The following B4GALNT3 variants were observed in gnomAD, a reference collection of about 807,000 sequenced individuals.
The protein encoded by B4GALNT3 is beta-1,4-N-acetylgalactosaminyltransferase 3.
Under a neutral mutation model 120.2 loss-of-function variants are expected in B4GALNT3, and 86 were observed. The ratio of observed to expected loss-of-function variants is 0.72; its 90% CI spans 0.60 to 0.86. The LOEUF (loss-of-function observed/expected upper bound fraction) is 0.86, where lower values mean the gene tolerates loss of function less well. Ranked by LOEUF, B4GALNT3 falls within the 40% of genes least tolerant of loss-of-function variation. B4GALNT3 has a pLI of 0.00. For synonymous variants in B4GALNT3, 518 were observed against 510.4 expected, an observed-to-expected ratio of 1.01 and a Z score of -0.20; for missense variants, 1,167 against 1,298.9, an observed-to-expected ratio of 0.90 and a Z score of 1.56.
At chr12:470,630 C>T (rs569611301) in intron 1 of B4GALNT3, among the ~76,000 whole-genome samples, 8 of 152,264 alleles carry the variant, frequency 5.3e-5, no homozygotes, top group Admixed American at 2.0e-4. Context: ...GAATGACTTC[C>T]GATAGCAGAA....
At chr12:474,066 CAG>C (rs3043264) in intron 1 of B4GALNT3, among the ~76,000 whole-genome samples, 1,839 of 152,250 alleles carry the variant, frequency 0.012, 55 homozygotes, top group South Asian at 0.096. Context: ...AAATGTAGAA[CAG>C]AGTCATTGCT....
intron 1 of B4GALNT3, among the ~76,000 whole-genome samples, chr12:475,629 G>C (rs1946177503): frequency 6.6e-6 from 1 of 151,970 alleles, no homozygotes; most frequent in South Asian, 2.1e-4. Flanking sequence ...TCAAAACTCT[G>C]CTTATCCTTC....
chr12:508,721 G>A (rs1273821375), intron 1 of B4GALNT3, among the ~76,000 whole-genome samples: 1 of 152,118 alleles, frequency 6.6e-6, no homozygotes, highest in African/African-American at 2.4e-5. Context: ...CAGAGCTCCA[G>A]GCTGTTCTTG....
intron 1 of B4GALNT3, among the ~76,000 whole-genome samples, chr12:472,317 G>A (rs1172739188): frequency 6.6e-6 from 1 of 152,214 alleles, no homozygotes; most frequent in African/African-American, 2.4e-5. Context: ...GTCTCAGTCT[G>A]TTGCCCAGCC....
intron 1 of B4GALNT3, among the ~76,000 whole-genome samples, chr12:529,153 G>A (rs568244665): frequency 6.6e-6 from 1 of 152,196 alleles, no homozygotes; most frequent in South Asian, 2.1e-4. Context: ...CCTTTCTAAT[G>A]GAGCCCTGCC....
chr12:513,952 C>T (rs909260262), intron 1 of B4GALNT3, among the ~76,000 whole-genome samples: 1 of 152,182 alleles, frequency 6.6e-6, no homozygotes, highest in Non-Finnish European at 1.5e-5. Context: ...CTTCTCCATT[C>T]ATAGTTGATG....
intron 3 of B4GALNT3, among the ~76,000 whole-genome samples, chr12:541,003 A>T (rs1229230205): frequency 6.6e-6 from 1 of 152,196 alleles, no homozygotes; most frequent in Non-Finnish European, 1.5e-5. Flanking sequence ...TCAGCCTCCC[A>T]AAGTGCTGGG....
intron 1 of B4GALNT3, among the ~76,000 whole-genome samples, chr12:511,426 C>G (rs1351023889): frequency 2.5e-4 from 25 of 98,374 alleles, no homozygotes; most frequent in African/African-American, 5.9e-4. Context: ...TTCCACCTTC[C>G]ACCTTCTTCC....
intron 1 of B4GALNT3, among the ~76,000 whole-genome samples, chr12:512,394 CCACCTTTG>C: frequency 7.7e-6 from 1 of 129,612 alleles, no homozygotes. Flanking sequence ...CCACCTTCTT[CCACCTTTG>C]ACCTTCCACC....
At chr12:486,211 T>G (rs1946289620) in intron 1 of B4GALNT3, among the ~76,000 whole-genome samples, 1 of 146,526 alleles carries the variant, frequency 6.8e-6, no homozygotes, top group African/African-American at 2.5e-5. Flanking sequence ...TATTCTTTTT[T>G]TTTTTTTTTT....
intron 3 of B4GALNT3, among the ~76,000 whole-genome samples, chr12:542,140 A>G (rs967687494): frequency 9.2e-5 from 14 of 152,104 alleles, no homozygotes; most frequent in Admixed American, 7.2e-4. Context: ...TGTTTCTGTG[A>G]GTAACGGCTG....
chr12:545,600 C>T, intron 6 of B4GALNT3, 131 bp downstream of exon 6: 1 of 883,940 alleles, frequency 1.1e-6, no homozygotes, highest in Non-Finnish European at 1.7e-6. Context: ...AAGAAGTCTC[C>T]TCCCTCACCC....
chr12:530,491 G>A (rs1035334316), intron 1 of B4GALNT3, among the ~76,000 whole-genome samples: 13 of 152,208 alleles, frequency 8.5e-5, no homozygotes, highest in East Asian at 3.8e-4. Context: ...CACACCAGGC[G>A]TCAGGAGAAA....
At chr12:543,449 C>T (rs1353760080) in intron 3 of B4GALNT3, among the ~76,000 whole-genome samples, 32 of 108,670 alleles carry the variant, frequency 2.9e-4, no homozygotes, top group Middle Eastern at 6.3e-3. Context: ...GGAGCTGGGG[C>T]GGGCATGGGG....
intron 7 of B4GALNT3, 62 bp from the exon 8 acceptor site, chr12:547,962 A>C: frequency 7.0e-7 from 1 of 1,431,224 alleles, no homozygotes; most frequent in Non-Finnish European, 9.8e-7. Context: ...GGGGTGGGAC[A>C]GAGCCGCGAC....
intron 3 of B4GALNT3, among the ~76,000 whole-genome samples, chr12:539,542 AAAAAAAAAAG>A (rs1946894631): frequency 6.6e-6 from 1 of 151,922 alleles, no homozygotes; most frequent in Admixed American, 6.6e-5. Flanking sequence ...TTTAAAAAAA[AAAAAAAAAAG>A]AAAGAAACAG....
intron 7 of B4GALNT3, among the ~76,000 whole-genome samples, chr12:547,058 C>T (rs1307163050): frequency 3.3e-5 from 5 of 152,224 alleles, no homozygotes; most frequent in Non-Finnish European, 7.3e-5. Context: ...CCTCGGTCGT[C>T]TGGGGACACG....
At chr12:532,686 C>A (rs1946819577) in intron 1 of B4GALNT3, among the ~76,000 whole-genome samples, 1 of 152,102 alleles carries the variant, frequency 6.6e-6, no homozygotes, top group South Asian at 2.1e-4. Context: ...TAGAAGAATT[C>A]TTGCTGAAAA....
At chr12:465,631 C>T (rs1457501307) in intron 1 of B4GALNT3, among the ~76,000 whole-genome samples, 3 of 152,158 alleles carry the variant, frequency 2.0e-5, no homozygotes, top group African/African-American at 7.2e-5. Flanking sequence ...TCCCTGGTCT[C>T]TCAGTCCCTG....
Sources: allele counts gnomAD v4.1 joint callset (sites outside exome capture counted in the v4.1 genomes callset), GRCh38; gene constraint gnomAD v4.1.1; transcripts MANE v1.5; gene names NCBI Gene and HGNC (gene_info 2026-07-23, HGNC 2026-07-21).